LRRC49: variants seen among roughly 807,000 people sequenced by gnomAD.
The protein encoded by LRRC49 is leucine rich repeat containing 49.
A neutral mutation model predicts 83.3 loss-of-function variants in LRRC49; 50 were observed. The ratio of observed to expected loss-of-function variants is 0.60; its 90% CI spans 0.48 to 0.76. The LOEUF is 0.76. Among genes scored for constraint, LRRC49 ranks in the 30% least tolerant of loss-of-function variants. The probability of loss-of-function intolerance (pLI) is 0.00; values close to 1 mark genes in which losing one functional copy is unlikely to be tolerated. For synonymous variants in LRRC49, 286 were observed against 283.3 expected, an observed-to-expected ratio of 1.01 and a Z score of -0.10; for missense variants, 704 against 809.1, an observed-to-expected ratio of 0.87 and a Z score of 1.58.
At chr15:70,881,350 A>G (rs1289837679) in intron 2 of LRRC49, 1 of 152,226 alleles carries the variant, frequency 6.6e-6, no homozygotes, top group Non-Finnish European at 1.5e-5. Flanking sequence ...ACTCCTATTA[A>G]TATTTTATTT....
At chr15:71,008,913 A>G (rs2038554679) in intron 12 of LRRC49, among the ~76,000 whole-genome samples, 1 of 151,982 alleles carries the variant, frequency 6.6e-6, no homozygotes, top group Non-Finnish European at 1.5e-5. Context: ...ACCTTACCAC[A>G]TAGCCTTATG....
At chr15:70,947,861 A>C (rs918695766) in intron 8 of LRRC49, among the ~76,000 whole-genome samples, 3 of 152,128 alleles carry the variant, frequency 2.0e-5, no homozygotes, top group African/African-American at 7.2e-5. Flanking sequence ...GGACATACTG[A>C]ATGCTCAATC....
upstream of LRRC49, among the ~76,000 whole-genome samples, chr15:70,890,161 AT>A (rs905788069): frequency 6.6e-6 from 1 of 152,110 alleles, no homozygotes; most frequent in Non-Finnish European, 1.5e-5. Context: ...TCTTCTCCCA[AT>A]TTTTGATTAG....
intron 5 of LRRC49, 47 bp from the exon 6 acceptor site, chr15:70,911,485 T>G (rs750252464): frequency 4.8e-6 from 5 of 1,049,762 alleles, no homozygotes. Flanking sequence ...GATTTACAGA[T>G]AGATGTGATA....
intron 1 of LRRC49, among the ~76,000 whole-genome samples, chr15:70,871,579 G>A (rs952272359): frequency 1.3e-5 from 2 of 151,310 alleles, no homozygotes; most frequent in Non-Finnish European, 2.9e-5. Context: ...CCGGGCGGGG[G>A]CTGCCCCCCA....
chr15:71,050,649 G>A lies in LRRC49; in HGVS notation c.*1037G>A, dbSNP rs2039982162. 1 of 152,136 alleles carries A rather than the reference G, an allele frequency of 6.6e-6. No individual in the cohort carries two copies. The highest frequency in any genetic ancestry group is 2.1e-4 in the South Asian group (1 of 4,816). The allele number at this position is 152,136 out of a possible 1,614,324, so 9.4% of individuals were successfully genotyped here. On this transcript the variant is annotated 3_prime_UTR_variant, in exon 16 of 16. Coordinates refer to ENST00000260382, the MANE Select transcript of LRRC49 (RefSeq NM_017691.5). ...ATATGGGAAAACAGGACTAGAAGAT[G>A]TACGACAGCAAAGACATGCAGAGAC...
At chr15:70,910,534 T>C (rs932409028) in intron 5 of LRRC49, among the ~76,000 whole-genome samples, 3 of 152,162 alleles carry the variant, frequency 2.0e-5, no homozygotes, top group African/African-American at 7.2e-5. Flanking sequence ...AAAGATGGGT[T>C]GTATGAACTT....
chr15:70,891,706 TCTAAAGCACA>T, upstream of LRRC49: 2 of 762,060 alleles, frequency 2.6e-6, no homozygotes, highest in Non-Finnish European at 4.1e-6. Flanking sequence ...GGAGATCACC[TCTAAAGCACA>T]CCCCTAACTT....
chr15:70,955,655 A>C (rs1267784647), intron 8 of LRRC49, among the ~76,000 whole-genome samples: 2 of 152,312 alleles, frequency 1.3e-5, no homozygotes, highest in East Asian at 3.9e-4. Context: ...TCACAGCATA[A>C]AGGTCAGTTT....
At chr15:70,866,114 GTATT>G (rs71880311) in intron 1 of LRRC49, among the ~76,000 whole-genome samples, 21,853 of 142,014 alleles carry the variant, frequency 0.15, 2,049 homozygotes, top group South Asian at 0.31. Context: ...TACATGTAAA[GTATT>G]TATTTATTTA....
intron 4 of LRRC49, among the ~76,000 whole-genome samples, chr15:70,901,298 A>G (rs1445937526): frequency 6.6e-6 from 1 of 152,178 alleles, no homozygotes; most frequent in Non-Finnish European, 1.5e-5. Context: ...GGATTGTAGT[A>G]TAGAAAAAAA....
At chr15:70,892,765 G>A (rs1243405108), upstream of LRRC49, 5 of 1,586,254 alleles carry the variant, frequency 3.2e-6, no homozygotes, top group African/African-American at 1.3e-5. Flanking sequence ...GGTCCAGACC[G>A]GAAATGGTCG....
At chr15:70,987,218 T>C (rs2037659903) in intron 11 of LRRC49, among the ~76,000 whole-genome samples, 2 of 152,308 alleles carry the variant, frequency 1.3e-5, no homozygotes, top group South Asian at 4.1e-4. Context: ...TGGTACCATT[T>C]CTTCCTTGTA....
intron 15 of LRRC49, among the ~76,000 whole-genome samples, chr15:71,039,984 C>G (rs2039649181): frequency 6.6e-6 from 1 of 152,088 alleles, no homozygotes; most frequent in East Asian, 1.9e-4. Flanking sequence ...AAAGCCAAAC[C>G]ATACATTTAA....
chr15:70,910,567 A>G (rs1017770705), intron 5 of LRRC49, among the ~76,000 whole-genome samples: 1 of 152,110 alleles, frequency 6.6e-6, no homozygotes, highest in Non-Finnish European at 1.5e-5. Flanking sequence ...TTTTTTTGCC[A>G]TTGCTCCCAT....
chr15:70,988,189 C>T (rs2141234020), intron 11 of LRRC49, among the ~76,000 whole-genome samples: 1 of 151,488 alleles, frequency 6.6e-6, no homozygotes, highest in Non-Finnish European at 1.5e-5. Context: ...CCTGGGTATC[C>T]TTGTTAACTT....
At chr15:70,889,587 G>A (rs1445824242), upstream of LRRC49, among the ~76,000 whole-genome samples, 1 of 152,088 alleles carries the variant, frequency 6.6e-6, no homozygotes, top group Non-Finnish European at 1.5e-5. Context: ...ATTCAGTTGG[G>A]TTTTTTAAAA....
chr15:70,976,298 T>C (rs1401025319), intron 9 of LRRC49, among the ~76,000 whole-genome samples: 2 of 152,198 alleles, frequency 1.3e-5, no homozygotes, highest in African/African-American at 4.8e-5. Flanking sequence ...TTTTGTTTGC[T>C]AAAAGTGATT....
At chr15:71,040,083 G>A (rs928044560) in intron 15 of LRRC49, among the ~76,000 whole-genome samples, 15 of 152,262 alleles carry the variant, frequency 9.9e-5, no homozygotes, top group African/African-American at 3.6e-4. Context: ...GCCAAGTGTA[G>A]TTTATCCTAG....
Sources: gnomAD v4.1 joint callset for allele counts (sites outside exome capture counted in the v4.1 genomes callset) on GRCh38, gnomAD v4.1.1 for gene constraint, MANE v1.5 for transcripts, NCBI Gene and HGNC (gene_info 2026-07-23, HGNC 2026-07-21) for gene names.